The following OR2AJ1 variants were observed in gnomAD, a reference collection of about 807,000 sequenced individuals.
The protein encoded by OR2AJ1 is olfactory receptor 2AJ1.
For synonymous variants in OR2AJ1, 105 were observed against 60.3 expected, an observed-to-expected ratio of 1.74 and a Z score of -3.44; for missense variants, 280 against 163.2, an observed-to-expected ratio of 1.72 and a Z score of -3.90.
rs896197405 is a variant in OR2AJ1 at position 247,934,388 on chromosome 1, T to C, written c.620T>C (p.Leu207Pro). The C allele has an allele frequency of 2.8e-6, 2 of 718,772 alleles. No homozygotes were observed. Among genetic ancestry groups the C allele is most frequent in the Admixed American group, 4.0e-5 (2 of 50,100 alleles). 44.5% of individuals were successfully genotyped at this position (718,772 alleles called of 1,614,324 possible). A position where few individuals can be genotyped will look rare whatever the true frequency, so the allele number is the denominator to read the frequency against. Residue 207 changes from leucine (L) to proline (P), a missense_variant, in exon 2 of 2, where the codon CTG (leucine) becomes CCG (proline). Physicochemically the swap from Leu to Pro is moderately conservative, Grantham distance 98. Coordinates refer to ENST00000318244, the MANE Select transcript of OR2AJ1 (RefSeq NM_001355235.2). The stretch of plus-strand genomic sequence containing the variant: ...GTTTGTGTAAGTGCTGTGATCTTCC[T>C]GCTGATCCCTTTCTCCTTGATCTCT... ...RGVCVSAVIF[L>P]LIPFSLISAS... is the part of the protein sequence containing the mutation.
rs573967351 is a variant in OR2AJ1 at position 247,934,286 on chromosome 1, C to A, written c.518C>A (p.Ala173Glu). 32 of 734,076 alleles carry A rather than the reference C, an allele frequency of 4.4e-5. No homozygotes were observed. The East Asian group carries it at 8.0e-4, about 18-fold the overall frequency. The allele number at this position is 734,076 out of a possible 1,614,324, so 45.5% of individuals were successfully genotyped here. A position where few individuals can be genotyped will look rare whatever the true frequency, so the allele number is the denominator to read the frequency against. The change falls in exon 2 of 2, where the codon GCA (alanine) becomes GAA (glutamate). Residue 173 changes from alanine (A) to glutamate (E), a missense_variant. By Grantham distance (107) the Ala-to-Glu change is moderately radical. Coordinates refer to ENST00000318244, the MANE Select transcript of OR2AJ1 (RefSeq NM_001355235.2). ...CAGTTTCCCTTCTGTGGCTCTAGGG[C>A]AATTGATCACTTCTTCTGTGAAGTC... ...ALQFPFCGSR[A>E]IDHFFCEVPA...
chr1:247,928,221 T>C (rs905932027), intron 1 of OR2AJ1, among the ~76,000 whole-genome samples: 1 of 152,212 alleles, frequency 6.6e-6, no homozygotes, highest in African/African-American at 2.4e-5. Context: ...TGCAGTGAAA[T>C]TATATGTCAT....
chr1:247,929,641 G>T (rs952850236), intron 1 of OR2AJ1, among the ~76,000 whole-genome samples: 1 of 103,156 alleles, frequency 9.7e-6, no homozygotes, highest in Non-Finnish European at 2.4e-5. Context: ...TTTGCAGTGG[G>T]GGTATTTAAT....
intron 1 of OR2AJ1, among the ~76,000 whole-genome samples, chr1:247,929,585 C>A (rs1267160716): frequency 8.1e-6 from 1 of 123,654 alleles, no homozygotes; most frequent in Non-Finnish European, 1.8e-5. Context: ...AGGCTCTATT[C>A]CCCCCCTTCA....
At chr1:247,926,576 T>C (rs1360545046) in intron 1 of OR2AJ1, among the ~76,000 whole-genome samples, 4 of 152,246 alleles carry the variant, frequency 2.6e-5, no homozygotes, top group Non-Finnish European at 1.5e-5. Context: ...GATTGTACAT[T>C]GATGCATACA....
intron 1 of OR2AJ1, among the ~76,000 whole-genome samples, chr1:247,932,520 A>G (rs748649779): frequency 2.0e-5 from 3 of 152,224 alleles, no homozygotes; most frequent in Middle Eastern, 3.2e-3. Flanking sequence ...CTCAATATTC[A>G]CAAAAATTAA....
chr1:247,927,294 G>A (rs1170934504), intron 1 of OR2AJ1, among the ~76,000 whole-genome samples: 1 of 152,052 alleles, frequency 6.6e-6, no homozygotes, highest in Non-Finnish European at 1.5e-5. Context: ...AGCATTAAGT[G>A]CATAATAAGA....
At position 247,934,363 on chromosome 1, in the gene OR2AJ1, G is replaced by C. The variant is rs985621779; in HGVS notation, c.595G>C (p.Val199Leu). The change falls in exon 2 of 2, where the codon GTT (valine) becomes CTT (leucine). Residue 199 changes from valine (V) to leucine (L), a missense_variant. Coordinates refer to ENST00000318244, the MANE Select transcript of OR2AJ1 (RefSeq NM_001355235.2). ...CADTTRYERG[V>L]CVSAVIFLLI... is the part of the protein sequence containing the mutation. ...AGACACAACACGCTATGAACGAGGGGTTTGTGTAAGTGCTGTGATCTTCCT... is the reference window on the plus strand; with the variant it reads ...AGACACAACACGCTATGAACGAGGGCTTTGTGTAAGTGCTGTGATCTTCCT... 2.9e-5 allele frequency: 21 copies of C among 722,840 alleles called. No homozygotes were observed. The highest frequency in any genetic ancestry group is 5.2e-5 in the Non-Finnish European group (20 of 388,204). The allele number at this position is 722,840 out of a possible 1,614,324, so 44.8% of individuals were successfully genotyped here.
chr1:247,928,457 T>A (rs1421139962), intron 1 of OR2AJ1, among the ~76,000 whole-genome samples: 1 of 152,216 alleles, frequency 6.6e-6, no homozygotes, highest in African/African-American at 2.4e-5. Flanking sequence ...GCAGGGTGTT[T>A]TTTCATTGAG....
chr1:247,931,179 A>T (rs1221202481), intron 1 of OR2AJ1, among the ~76,000 whole-genome samples: 2 of 152,222 alleles, frequency 1.3e-5, no homozygotes, highest in African/African-American at 4.8e-5. Context: ...AAAGACATGG[A>T]TGTAGAGTGT....
intron 1 of OR2AJ1, among the ~76,000 whole-genome samples, chr1:247,926,093 AG>A (rs2103004190): frequency 6.6e-6 from 1 of 152,360 alleles, no homozygotes; most frequent in African/African-American, 2.4e-5. Context: ...TATTCAATAA[AG>A]CAAATTAAAT....
intron 1 of OR2AJ1, among the ~76,000 whole-genome samples, chr1:247,925,512 G>A (rs1660080779): frequency 6.6e-6 from 1 of 152,070 alleles, no homozygotes; most frequent in Admixed American, 6.6e-5. Flanking sequence ...TCCAACTTAT[G>A]AAAAAGATGC....
intron 1 of OR2AJ1, among the ~76,000 whole-genome samples, chr1:247,932,293 A>G (rs977635844): frequency 1.3e-5 from 2 of 152,188 alleles, no homozygotes; most frequent in African/African-American, 4.8e-5. Context: ...CTGAGATCAC[A>G]CCACTACACT....
chr1:247,934,633 A>G lies in OR2AJ1; in HGVS notation c.865A>G (p.Ile289Val), dbSNP rs1156618567. ...CCTCACACCCACACTCAACCCTTTCATCTACAGCTTTAGGAATAAAGATGT... is the reference window on the plus strand; with the variant it reads ...CCTCACACCCACACTCAACCCTTTCGTCTACAGCTTTAGGAATAAAGATGT... Reference protein sequence around the residue: ...TILTPTLNPFIYSFRNKDVLA... With the variant: ...TILTPTLNPFVYSFRNKDVLA... The change falls in exon 2 of 2, where the codon ATC becomes GTC. Residue 289 changes from isoleucine to valine, a missense_variant. Transcript: ENST00000318244. 1.4e-6 allele frequency: 1 copy of G among 717,856 alleles called. No individual in the cohort carries two copies. The highest frequency in any genetic ancestry group is 1.5e-5 in the South Asian group (1 of 67,590). The allele number at this position is 717,856 out of a possible 1,614,324, so 44.5% of individuals were successfully genotyped here.
intron 1 of OR2AJ1, among the ~76,000 whole-genome samples, chr1:247,926,412 G>A (rs1660091544): frequency 1.3e-5 from 2 of 152,198 alleles, no homozygotes; most frequent in South Asian, 4.1e-4. Context: ...CAGTGGAGAA[G>A]TCATATAGGT....
chr1:247,929,805 G>A (rs1660133066), intron 1 of OR2AJ1, among the ~76,000 whole-genome samples: 2 of 151,694 alleles, frequency 1.3e-5, no homozygotes, highest in Non-Finnish European at 2.9e-5. Context: ...AATATTTTTG[G>A]GATATTGCAT....
At position 247,933,917 on chromosome 1, in the gene OR2AJ1, G is replaced by T. The variant is rs1235580981; in HGVS notation, c.149G>T (p.Arg50Leu). 2 of 717,066 alleles carry T rather than the reference G, an allele frequency of 2.8e-6. No individual in the cohort carries two copies. The highest frequency in any genetic ancestry group is 1.8e-5 in the African/African-American group (1 of 57,140). 44.4% of individuals were successfully genotyped at this position (717,066 alleles called of 1,614,324 possible). The change falls in exon 2 of 2, where the codon CGC (arginine) becomes CTC (leucine). Residue 50 changes from arginine (R) to leucine (L), a missense_variant. Physicochemically the swap from Arg to Leu is moderately radical, Grantham distance 102 (BLOSUM62 -2). Transcript: ENST00000318244. Reference sequence around the variant, plus strand: ...AATACGCTCATGATCCTCCTCATTCGCAGTGACTCCCGACTCCACACTCCA... The same window carrying T: ...AATACGCTCATGATCCTCCTCATTCTCAGTGACTCCCGACTCCACACTCCA... ...TENTLMILLI[R>L]SDSRLHTPMY...
At chr1:247,925,855 T>C (rs1660085511) in intron 1 of OR2AJ1, among the ~76,000 whole-genome samples, 1 of 152,208 alleles carries the variant, frequency 6.6e-6, no homozygotes, top group Non-Finnish European at 1.5e-5. Context: ...AATAGATGCA[T>C]TAAGGGTAGC....
chr1:247,927,731 G>A (rs1455972006), intron 1 of OR2AJ1, among the ~76,000 whole-genome samples: 1 of 152,034 alleles, frequency 6.6e-6, no homozygotes, highest in Non-Finnish European at 1.5e-5. Flanking sequence ...ACCTCTATGA[G>A]ATCAGGTTTT....
Sources: allele counts gnomAD v4.1 joint callset (sites outside exome capture counted in the v4.1 genomes callset), GRCh38; gene constraint gnomAD v4.1.1; transcripts MANE v1.5; gene names NCBI Gene and HGNC (gene_info 2026-07-23, HGNC 2026-07-21).